The following XYLT1 variants were observed in gnomAD, a reference collection of about 807,000 sequenced individuals.
XYLT1 encodes beta-D-xylosyltransferase 1.
In XYLT1, 36 loss-of-function variants were observed where a neutral mutation model predicts 91.3. That is an observed-to-expected ratio of 0.39 (90% confidence interval 0.30 to 0.52). The LOEUF is 0.52. XYLT1 is among the 20% of genes least tolerant of loss of function. The pLI is 0.68. For missense variants in XYLT1, 1,242 were observed against 1,284.5 expected, an observed-to-expected ratio of 0.97 and a Z score of 0.51; for synonymous variants, 588 against 532.0, an observed-to-expected ratio of 1.11 and a Z score of -1.45.
At chr16:17,288,368 G>GTT in intron 2 of XYLT1, among the ~76,000 whole-genome samples, 1 of 151,936 alleles carries the variant, frequency 6.6e-6, no homozygotes, top group East Asian at 1.9e-4. Context: ...TAGCTATACA[G>GTT]TTTCACTCAT....
chr16:17,408,265 G>C (rs2036059657), intron 1 of XYLT1, among the ~76,000 whole-genome samples: 2 of 152,228 alleles, frequency 1.3e-5, no homozygotes, highest in Non-Finnish European at 2.9e-5. Context: ...TGCTAAGTAA[G>C]TGCAGTGACA....
chr16:17,111,739 T>G (rs552403159), intron 11 of XYLT1, among the ~76,000 whole-genome samples: 1 of 152,290 alleles, frequency 6.6e-6, no homozygotes, highest in African/African-American at 2.4e-5. Context: ...GCAAAAGGGT[T>G]GGGTTCTGTG....
At chr16:17,238,418 G>A (rs759575636) in intron 3 of XYLT1, among the ~76,000 whole-genome samples, 6 of 152,188 alleles carry the variant, frequency 3.9e-5, no homozygotes, top group Non-Finnish European at 7.3e-5. Context: ...TAGGCTTTTG[G>A]AGCTGCACAG....
intron 6 of XYLT1, among the ~76,000 whole-genome samples, chr16:17,148,647 T>C (rs28473726): frequency 0.081 from 12,364 of 152,190 alleles, 543 homozygotes; most frequent in East Asian, 0.17. Flanking sequence ...CTCAGAAAAG[T>C]TATGTAACTT....
intron 6 of XYLT1, among the ~76,000 whole-genome samples, chr16:17,155,040 T>G (rs2031372014): frequency 6.6e-6 from 1 of 152,156 alleles, no homozygotes; most frequent in Admixed American, 6.5e-5. Context: ...AACCCCCTTG[T>G]TTTTCAAAGG....
chr16:17,294,628 A>G (rs1202966767), intron 2 of XYLT1, among the ~76,000 whole-genome samples: 2 of 151,900 alleles, frequency 1.3e-5, no homozygotes, highest in African/African-American at 2.4e-5. Context: ...CTAGGAGACA[A>G]AATTGCCTTC....
chr16:17,388,344 G>A (rs2035773267), intron 1 of XYLT1, among the ~76,000 whole-genome samples: 1 of 152,190 alleles, frequency 6.6e-6, no homozygotes, highest in African/African-American at 2.4e-5. Flanking sequence ...CAAACCCACT[G>A]TGAGTGACTG....
intron 1 of XYLT1, among the ~76,000 whole-genome samples, chr16:17,414,566 C>A (rs576799651): frequency 6.6e-6 from 1 of 152,188 alleles, no homozygotes; most frequent in African/African-American, 2.4e-5. Context: ...TCCTTGTAAG[C>A]GCCTTGCTTT....
intron 5 of XYLT1, among the ~76,000 whole-genome samples, chr16:17,167,473 C>T (rs994045751): frequency 3.3e-5 from 5 of 151,508 alleles, no homozygotes; most frequent in South Asian, 2.1e-4. Flanking sequence ...CCTTCCATCT[C>T]GTGAATGGGT....
intron 1 of XYLT1, among the ~76,000 whole-genome samples, chr16:17,360,183 G>C (rs1388490013): frequency 6.6e-6 from 1 of 152,214 alleles, no homozygotes; most frequent in Non-Finnish European, 1.5e-5. Context: ...TTGGGTGCAT[G>C]CCCAGATTAA....
chr16:17,160,452 A>T (rs2031520849), intron 5 of XYLT1, among the ~76,000 whole-genome samples: 1 of 152,226 alleles, frequency 6.6e-6, no homozygotes, highest in South Asian at 2.1e-4. Flanking sequence ...TGACCAACTC[A>T]TAATTCCAGC....
intron 1 of XYLT1, among the ~76,000 whole-genome samples, chr16:17,464,915 G>C (rs2036869037): frequency 6.6e-6 from 1 of 151,942 alleles, no homozygotes; most frequent in Non-Finnish European, 1.5e-5. Flanking sequence ...GGGAGGCCGA[G>C]GCGGGCGGAT....
chr16:17,430,641 A>T (rs569725957), intron 1 of XYLT1, among the ~76,000 whole-genome samples: 1 of 152,262 alleles, frequency 6.6e-6, no homozygotes, highest in East Asian at 1.9e-4. Context: ...ACCTAACCAG[A>T]CCCTATGATC....
At chr16:17,346,392 C>A (rs940140437) in intron 2 of XYLT1, among the ~76,000 whole-genome samples, 4 of 152,274 alleles carry the variant, frequency 2.6e-5, no homozygotes, top group East Asian at 1.9e-4. Flanking sequence ...ATGAACGCAG[C>A]AGGCCAGGTG....
intron 2 of XYLT1, among the ~76,000 whole-genome samples, chr16:17,326,590 G>A (rs575566622): frequency 4.6e-5 from 7 of 152,040 alleles, no homozygotes; most frequent in South Asian, 2.1e-4. Context: ...TTCGGAGGCC[G>A]AGGCGGGCGG....
intron 2 of XYLT1, among the ~76,000 whole-genome samples, chr16:17,293,558 G>A (rs2034264198): frequency 7.0e-6 from 1 of 143,242 alleles, no homozygotes; most frequent in African/African-American, 2.6e-5. Flanking sequence ...CACAATCCTG[G>A]CTCACTGTAA....
At chr16:17,162,688 G>A (rs1267820115) in intron 5 of XYLT1, among the ~76,000 whole-genome samples, 1 of 152,220 alleles carries the variant, frequency 6.6e-6, no homozygotes, top group Non-Finnish European at 1.5e-5. Context: ...ACTGCTATTA[G>A]AAATGCCATA....
intron 1 of XYLT1, among the ~76,000 whole-genome samples, chr16:17,400,893 G>T (rs1335113106): frequency 6.6e-6 from 1 of 151,624 alleles, no homozygotes; most frequent in African/African-American, 2.4e-5. Context: ...CTGGGAAGAG[G>T]AAAAAAGGGG....
chr16:17,383,343 C>T (rs8049872), intron 1 of XYLT1, among the ~76,000 whole-genome samples: 46,631 of 151,628 alleles, frequency 0.31, 7,819 homozygotes, highest in Non-Finnish European at 0.38. Flanking sequence ...TCCTGACCTC[C>T]GAAGATAAGT....
Sources: gnomAD v4.1 joint callset for allele counts (sites outside exome capture counted in the v4.1 genomes callset) on GRCh38, gnomAD v4.1.1 for gene constraint, MANE v1.5 for transcripts, NCBI Gene and HGNC (gene_info 2026-07-23, HGNC 2026-07-21) for gene names.